PCDH11X: variants seen among roughly 807,000 people sequenced by gnomAD.
PCDH11X encodes protocadherin 11 X-linked, also known as protocadherin-11 X-linked.
Under a neutral mutation model 53.3 loss-of-function variants are expected in PCDH11X, and 18 were observed. The observed-to-expected ratio is 0.34, with a 90% CI of 0.23 to 0.50. The LOEUF is 0.50. Ranked by LOEUF, PCDH11X falls within the 20% of genes least tolerant of loss-of-function variation. The pLI is 0.98. For missense variants in PCDH11X, 570 were observed against 1,032.4 expected (o/e 0.55, Z 6.14); for synonymous variants, 279 against 393.3 (o/e 0.71, Z 3.44).
At chrX:92,208,239 A>G (rs1397986414) in intron 7 of PCDH11X, among the ~76,000 whole-genome samples, 1 of 105,700 alleles carries the variant, frequency 9.5e-6, no homozygotes, top group Non-Finnish European at 1.9e-5. Context: ...AAAATTTTAT[A>G]TAAATTTACT....
At chrX:92,352,259 C>T (rs75224703) in intron 8 of PCDH11X, among the ~76,000 whole-genome samples, 1 of 111,586 alleles carries the variant, frequency 9.0e-6, no homozygotes, top group Non-Finnish European at 1.9e-5. Context: ...ACATTATATA[C>T]CCAAACCTCT....
intron 10 of PCDH11X, among the ~76,000 whole-genome samples, chrX:92,568,217 C>T (rs1163935171): frequency 1.0e-4 from 11 of 109,835 alleles, no homozygotes; most frequent in Admixed American, 4.9e-4. Context: ...GTCAGGAGAT[C>T]GAGACCATCC....
chrX:92,354,518 A>G (rs1382838744), intron 8 of PCDH11X, among the ~76,000 whole-genome samples: 3 of 110,888 alleles, frequency 2.7e-5, no homozygotes, highest in Non-Finnish European at 5.7e-5. Flanking sequence ...CTTTTGATTG[A>G]TGAGAAAACT....
chrX:91,915,621 T>C (rs1941530892), intron 6 of PCDH11X, among the ~76,000 whole-genome samples: 1 of 110,577 alleles, frequency 9.0e-6, no homozygotes, highest in African/African-American at 3.3e-5. Context: ...ATAAAAGAAA[T>C]AGACCAACAG....
intron 6 of PCDH11X, among the ~76,000 whole-genome samples, chrX:92,041,451 A>G (rs1416142954): frequency 9.0e-6 from 1 of 111,117 alleles, no homozygotes; most frequent in African/African-American, 3.3e-5. Flanking sequence ...CAAACTGACT[A>G]TTCAAACATG....
chrX:91,813,226 G>A (rs769919761), intron 4 of PCDH11X, among the ~76,000 whole-genome samples: 1 of 111,240 alleles, frequency 9.0e-6, no homozygotes, highest in East Asian at 2.8e-4. Context: ...GATGAGATTT[G>A]TTTCCATTTT....
At chrX:92,492,658 G>A (rs1308372318) in intron 10 of PCDH11X, among the ~76,000 whole-genome samples, 3 of 108,885 alleles carry the variant, frequency 2.8e-5, no homozygotes, top group Admixed American at 1.0e-4. Context: ...GGGAAAGTGT[G>A]TTTCAGATCC....
intron 1 of PCDH11X, among the ~76,000 whole-genome samples, chrX:91,782,165 C>T (rs1190285907): frequency 8.9e-6 from 1 of 112,547 alleles, no homozygotes; most frequent in Non-Finnish European, 1.9e-5. Context: ...CTCCTGGGTC[C>T]CGGCTCGCAG....
chrX:92,480,646 G>A (rs1028451587), intron 10 of PCDH11X, among the ~76,000 whole-genome samples: 19 of 110,534 alleles, frequency 1.7e-4, no homozygotes, highest in South Asian at 7.8e-4. Flanking sequence ...TCTATACTAC[G>A]TGCTGTAACT....
intron 6 of PCDH11X, among the ~76,000 whole-genome samples, chrX:92,102,119 G>A (rs2064268139): frequency 9.0e-6 from 1 of 111,154 alleles, no homozygotes; most frequent in Admixed American, 9.6e-5. Context: ...AATAATGTGG[G>A]AGGCCAGATT....
At chrX:92,298,725 GACCA>G (rs2148466768) in intron 8 of PCDH11X, among the ~76,000 whole-genome samples, 1 of 110,887 alleles carries the variant, frequency 9.0e-6, no homozygotes, top group African/African-American at 3.3e-5. Flanking sequence ...AATGTTCCCA[GACCA>G]AACTGAGGTT....
intron 8 of PCDH11X, among the ~76,000 whole-genome samples, chrX:92,283,488 G>A: frequency 9.0e-6 from 1 of 111,400 alleles, no homozygotes; most frequent in Non-Finnish European, 1.9e-5. Context: ...TTCATTTTAT[G>A]CCTAATATTG....
At chrX:91,817,769 GT>G (rs1936499475) in intron 4 of PCDH11X, among the ~76,000 whole-genome samples, 1 of 111,184 alleles carries the variant, frequency 9.0e-6, no homozygotes, top group African/African-American at 3.3e-5. Context: ...GGAAAAGAGA[GT>G]TCTTTTTTCA....
intron 8 of PCDH11X, among the ~76,000 whole-genome samples, chrX:92,336,086 T>G (rs1297201696): frequency 1.8e-5 from 2 of 110,551 alleles, no homozygotes; most frequent in Non-Finnish European, 3.8e-5. Context: ...ATTTTATAAA[T>G]TACAAGGAAG....
chrX:92,132,076 A>G (rs1164001034), intron 6 of PCDH11X, among the ~76,000 whole-genome samples: 2 of 98,334 alleles, frequency 2.0e-5, no homozygotes, highest in African/African-American at 3.7e-5. Flanking sequence ...GTTCGAGACC[A>G]GCCTGGCCAA....
At chrX:92,306,838 T>C (rs1231002396) in intron 8 of PCDH11X, among the ~76,000 whole-genome samples, 2 of 111,084 alleles carry the variant, frequency 1.8e-5, no homozygotes, top group East Asian at 5.7e-4. Flanking sequence ...TAATCCCAGC[T>C]ACTCTGGAGG....
In PCDH11X at chrX:91,929,991, G is replaced by A. The variant is rs372350651; in HGVS notation, c.3033+50718G>A. ...GGCCTAAAATGACAGAAAGCAAATC[G>A]AAATCCATAAAGTAGTAAGAAATTA... On this transcript the variant is annotated intron_variant, in intron 6 of 10. Transcript: ENST00000682573. Among the ~76,000 whole-genome samples the A allele has an allele frequency of 1.9e-4, 21 of 110,534 alleles. No individual in the cohort carries two copies. The East Asian group carries it at 2.0e-3, about 11-fold the overall frequency.
At chrX:91,871,260 C>A (rs886889485) in intron 5 of PCDH11X, among the ~76,000 whole-genome samples, 4 of 109,401 alleles carry the variant, frequency 3.7e-5, no homozygotes, top group Non-Finnish European at 7.6e-5. Flanking sequence ...GTAGTGTTAT[C>A]CATTTGAATC....
intron 10 of PCDH11X, among the ~76,000 whole-genome samples, chrX:92,591,187 A>C (rs1422911875): frequency 4.5e-5 from 5 of 110,794 alleles, no homozygotes; most frequent in African/African-American, 1.6e-4. Context: ...CATGAAATGG[A>C]AAAAGGTGAT....
Sources: gnomAD v4.1 joint callset for allele counts (sites outside exome capture counted in the v4.1 genomes callset) on GRCh38, gnomAD v4.1.1 for gene constraint, MANE v1.5 for transcripts, NCBI Gene and HGNC (gene_info 2026-07-23, HGNC 2026-07-21) for gene names.